Variants in TRIM37 observed in about 807,000 individuals in gnomAD.
TRIM37 encodes the protein E3 ubiquitin-protein ligase TRIM37.
A neutral mutation model predicts 129.8 loss-of-function variants in TRIM37; 80 were observed. That is an observed-to-expected ratio of 0.62 (90% CI 0.51 to 0.74). The LOEUF is 0.74. Among genes scored for constraint, TRIM37 ranks in the 30% least tolerant of loss-of-function variants. The probability of loss-of-function intolerance (pLI) is 0.00; values close to 1 mark genes in which losing one functional copy is unlikely to be tolerated. For missense variants in TRIM37, 1,054 were observed against 1,176.5 expected (o/e 0.90, Z 1.52); for synonymous variants, 389 against 387.1 (o/e 1.00, Z -0.06).
chr17:59,046,414 G>T (rs1457967706), intron 16 of TRIM37, among the ~76,000 whole-genome samples: 1 of 152,094 alleles, frequency 6.6e-6, no homozygotes, highest in African/African-American at 2.4e-5. Context: ...CATTTCCGTA[G>T]TATCCCTGCC....
At chr17:59,046,433 G>C (rs954177394) in intron 16 of TRIM37, among the ~76,000 whole-genome samples, 2 of 152,074 alleles carry the variant, frequency 1.3e-5, no homozygotes. Context: ...CCAAAAGTGT[G>C]TAACCTCTAT....
intron 19 of TRIM37, among the ~76,000 whole-genome samples, chr17:59,020,740 T>A (rs2036512321): frequency 1.3e-5 from 2 of 152,248 alleles, no homozygotes; most frequent in East Asian, 3.9e-4. Context: ...ACATCACTGA[T>A]CATCAGAGAA....
At chr17:59,043,642 G>T (rs1325115082) in intron 16 of TRIM37, among the ~76,000 whole-genome samples, 2 of 152,146 alleles carry the variant, frequency 1.3e-5, no homozygotes, top group Non-Finnish European at 2.9e-5. Flanking sequence ...ACTCCCTTCT[G>T]CTGAGACCCA....
At chr17:59,096,660 G>A (rs1252019322) in intron 2 of TRIM37, among the ~76,000 whole-genome samples, 1 of 151,404 alleles carries the variant, frequency 6.6e-6, no homozygotes, top group Non-Finnish European at 1.5e-5. Context: ...GCTCATGATT[G>A]ATTAAATACT....
chr17:59,094,480 C>A (rs1346320766), intron 2 of TRIM37, among the ~76,000 whole-genome samples: 3 of 151,938 alleles, frequency 2.0e-5, no homozygotes, highest in Non-Finnish European at 4.4e-5. Context: ...ACTTATGGAC[C>A]ACATGACATT....
intron 17 of TRIM37, among the ~76,000 whole-genome samples, chr17:59,033,252 T>C (rs940256155): frequency 2.0e-5 from 3 of 152,150 alleles, no homozygotes; most frequent in African/African-American, 7.2e-5. Context: ...GAAAGTTCCA[T>C]TGTTCAGAAG....
At position 59,064,894 on chromosome 17, in the gene TRIM37, C is replaced by T. The variant is rs140380267; in HGVS notation, c.810-489G>A. 1.3e-3 allele frequency among the ~76,000 whole-genome samples: 199 copies of T among 151,376 alleles called. 2 individuals carry two copies. In the Middle Eastern group the frequency reaches 0.017, roughly 13 times the overall value. On this transcript the variant is annotated intron_variant, in intron 9 of 23. Transcript: ENST00000262294. ...CTACCACACATCTCTATTAAAAATA[C>T]GCAAAAATTACCCAAATGTGGTGGT...
intron 21 of TRIM37, among the ~76,000 whole-genome samples, chr17:59,012,942 T>C (rs2035486180): frequency 6.6e-6 from 1 of 151,992 alleles, no homozygotes; most frequent in Non-Finnish European, 1.5e-5. Flanking sequence ...GTGGATTACA[T>C]CAATGTTGGT....
chr17:59,041,911 A>T lies in TRIM37; in HGVS notation c.1668-13T>A. ...ATTTTCTCCAGACCTAAGAATATAC[A>T]AAATCCATCATTTATATAGAGTGAT... On this transcript the variant is annotated splice_polypyrimidine_tract_variant and intron_variant, in intron 16 of 23. Transcript: ENST00000262294. The T allele has an allele frequency of 1.9e-6, 3 of 1,585,848 alleles. No homozygotes were observed. The highest frequency in any genetic ancestry group is 2.6e-6 in the Non-Finnish European group (3 of 1,154,542).
chr17:59,081,141 G>C lies in TRIM37; in HGVS notation c.448C>G (p.Leu150Val). ...VTKVNEEVAK[L>V]RRRLMELISL... ...ATCAGTTCCATGAGACGCCGACGAA[G>C]TTTGGCTACCTCTTCATTCACTTTA... Residue 150 changes from leucine (L) to valine (V), a missense_variant, in exon 6 of 24, where the codon CTT becomes GTT. By Grantham distance (32) the Leu-to-Val change is conservative. This residue lies in a region of TRIM37 where 752 missense variants were observed against 870.8 expected (regional missense o/e 0.86). Coordinates refer to ENST00000262294, the MANE Select transcript of TRIM37 (RefSeq NM_015294.6). 2.5e-6 allele frequency: 4 copies of C among 1,613,820 alleles called. No homozygotes were observed. The highest frequency in any genetic ancestry group is 3.4e-6 in the Non-Finnish European group (4 of 1,179,846).
Position 59,106,432 on chromosome 17 carries a change from C to T in TRIM37, c.21+9G>A. The T allele has an allele frequency of 6.2e-7, 1 of 1,613,730 alleles. No individual in the cohort carries two copies. Among genetic ancestry groups the T allele is most frequent in the Non-Finnish European group, 8.5e-7 (1 of 1,179,604 alleles). The stretch of plus-strand genomic sequence containing the variant: ...CGGGGACTAACCACCACCCTCACAA[C>T]CCCCTCACCTCCACGCTCTGTTCAT... On this transcript the variant is annotated intron_variant, in intron 1 of 23. Transcript: ENST00000262294.
intron 17 of TRIM37, 145 bp downstream of exon 17, chr17:59,041,668 A>G (rs1163129017): frequency 3.1e-6 from 2 of 640,568 alleles, no homozygotes; most frequent in African/African-American, 1.8e-5. Context: ...AATAAACTCT[A>G]AAAAATCCAT....
intron 22 of TRIM37, among the ~76,000 whole-genome samples, chr17:59,011,455 T>G (rs2035245118): frequency 6.6e-6 from 1 of 152,210 alleles, no homozygotes; most frequent in South Asian, 2.1e-4. Flanking sequence ...GTATGTATGC[T>G]TTGAGCTACA....
chr17:59,072,940 C>T (rs536088052), intron 8 of TRIM37, among the ~76,000 whole-genome samples: 4 of 152,208 alleles, frequency 2.6e-5, no homozygotes, highest in Admixed American at 6.5e-5. Context: ...TTGCCCAAGG[C>T]ATTACGGTTT....
rs765252279 is a variant in TRIM37, at chr17:59,001,605, C to T, written c.2805G>A (p.Pro935=). The change falls in exon 23 of 24, where the codon CCG becomes CCA. Residue 935 remains proline (P), a synonymous_variant. Transcript: ENST00000262294. ...HDSFMVMTQP[P]DEDTHSSFPD... Reference sequence around the variant, plus strand: ...TGACATCATGTGCTGCACCTTCATCCGGGGGCTGTGTCATGACCATGAAGG... The same window carrying T: ...TGACATCATGTGCTGCACCTTCATCTGGGGGCTGTGTCATGACCATGAAGG... 2.4e-5 allele frequency: 38 copies of T among 1,613,854 alleles called. No individual in the cohort carries two copies. The highest frequency in any genetic ancestry group is 2.7e-5 in the Non-Finnish European group (32 of 1,179,982).
At chr17:59,083,648 G>A (rs1340784211) in intron 5 of TRIM37, among the ~76,000 whole-genome samples, 1 of 152,114 alleles carries the variant, frequency 6.6e-6, no homozygotes, top group Non-Finnish European at 1.5e-5. Context: ...AAGTGTCTAA[G>A]TTCGTGCTCC....
At chr17:59,001,799 A>T in intron 22 of TRIM37, 85 bp from the exon 23 acceptor site, 2 of 1,548,256 alleles carry the variant, frequency 1.3e-6, no homozygotes, top group Non-Finnish European at 1.7e-6. Flanking sequence ...TGCTAAACTG[A>T]GATTCCTATT....
intron 5 of TRIM37, among the ~76,000 whole-genome samples, chr17:59,082,837 CTG>C (rs1435573991): frequency 6.6e-6 from 1 of 152,204 alleles, no homozygotes; most frequent in Non-Finnish European, 1.5e-5. Flanking sequence ...AACATTTCTA[CTG>C]TCTCTTACAA....
chr17:59,019,151 A>C (rs909510439), intron 19 of TRIM37, among the ~76,000 whole-genome samples: 7 of 152,192 alleles, frequency 4.6e-5, no homozygotes, highest in Non-Finnish European at 1.0e-4. Context: ...TTCCACTTCT[A>C]AGCATATACT....
Sources: gnomAD v4.1 joint callset for allele counts (sites outside exome capture counted in the v4.1 genomes callset) on GRCh38, gnomAD v4.1.1 for gene constraint, gnomAD v4.1.1 regional missense constraint, MANE v1.5 for transcripts, NCBI Gene and HGNC (gene_info 2026-07-23, HGNC 2026-07-21) for gene names.